FOXP2: variants seen among roughly 807,000 people sequenced by gnomAD.
The protein encoded by FOXP2 is forkhead box protein P2.
Under a neutral mutation model 115.8 loss-of-function variants are expected in FOXP2, and 12 were observed. The ratio of observed to expected loss-of-function variants is 0.10; its 90% confidence interval spans 0.07 to 0.17. FOXP2 has a LOEUF of 0.17. Ranked by LOEUF, FOXP2 falls within the 10% of genes least tolerant of loss-of-function variation. FOXP2 has a pLI of 1.00. For synonymous variants in FOXP2, 328 were observed against 297.7 expected (o/e 1.10, Z -1.05); for missense variants, 629 against 843.5 (o/e 0.75, Z 3.15).
chr7:114,683,704 T>C (rs1480542082), intron 16 of FOXP2, among the ~76,000 whole-genome samples: 1 of 152,160 alleles, frequency 6.6e-6, no homozygotes, highest in Non-Finnish European at 1.5e-5. Flanking sequence ...GGATGTTCCA[T>C]GTATACACGG....
intron 2 of FOXP2, among the ~76,000 whole-genome samples, chr7:114,462,305 TAAC>T (rs1795604240): frequency 9.3e-6 from 1 of 107,188 alleles, no homozygotes; most frequent in Admixed American, 1.0e-4. Flanking sequence ...AAAAAAAAGG[TAAC>T]AAACACTAAA....
chr7:114,370,435 T>A (rs1791976761), intron 2 of FOXP2, among the ~76,000 whole-genome samples: 1 of 152,220 alleles, frequency 6.6e-6, no homozygotes, highest in African/African-American at 2.4e-5. Context: ...AGTGTACCTG[T>A]GTTGGCTCTG....
intron 16 of FOXP2, chr7:114,667,848 GA>G (rs1391867124): frequency 1.3e-5 from 2 of 152,120 alleles, no homozygotes; most frequent in Non-Finnish European, 2.9e-5. Flanking sequence ...AGAATATTCT[GA>G]AATTGGGAGA....
intron 2 of FOXP2, among the ~76,000 whole-genome samples, chr7:114,403,113 G>T (rs1252653966): frequency 2.0e-5 from 3 of 152,248 alleles, no homozygotes; most frequent in South Asian, 4.1e-4. Flanking sequence ...TATGTAGTCT[G>T]TATATTATGT....
At chr7:114,472,018 G>A (rs953742959) in intron 2 of FOXP2, among the ~76,000 whole-genome samples, 2 of 151,248 alleles carry the variant, frequency 1.3e-5, no homozygotes, top group Non-Finnish European at 2.9e-5. Flanking sequence ...CTAGGTTGTT[G>A]TACTCCAAAG....
At chr7:114,382,867 T>C (rs1222523043) in intron 2 of FOXP2, among the ~76,000 whole-genome samples, 2 of 152,210 alleles carry the variant, frequency 1.3e-5, no homozygotes, top group African/African-American at 4.8e-5. Context: ...TTCCTTTCCC[T>C]GTGTTATGTG....
intron 1 of FOXP2, among the ~76,000 whole-genome samples, chr7:114,100,656 T>C (rs571010707): frequency 6.6e-6 from 1 of 152,192 alleles, no homozygotes; most frequent in Non-Finnish European, 1.5e-5. Context: ...TTTGCTCAAT[T>C]ATTTTAAAAA....
intron 1 of FOXP2, among the ~76,000 whole-genome samples, chr7:114,275,768 T>G (rs1189804923): frequency 1.3e-5 from 2 of 152,224 alleles, no homozygotes; most frequent in Non-Finnish European, 2.9e-5. Context: ...CTGGACATGA[T>G]GTACTTGGCA....
At position 114,531,523 on chromosome 7, in the gene FOXP2, T is replaced by C. The variant is rs73716906; in HGVS notation, c.169-3094T>C. On this transcript the variant is annotated intron_variant, in intron 2 of 16. Transcript: ENST00000350908. Reference sequence around the variant, plus strand: ...GGAAATAAAAATGTCATATGATGCATGCAGTGAGAATGCAAACTGCCAGAG... The same window carrying C: ...GGAAATAAAAATGTCATATGATGCACGCAGTGAGAATGCAAACTGCCAGAG... 8.0e-3 allele frequency among the ~76,000 whole-genome samples: 1,209 copies of C among 151,964 alleles called. 16 individuals are homozygous for C. Among genetic ancestry groups the C allele is most frequent in the African/African-American group, 0.028 (1,153 of 41,518 alleles).
chr7:114,144,326 T>G (rs2129147616), intron 1 of FOXP2, among the ~76,000 whole-genome samples: 1 of 152,304 alleles, frequency 6.6e-6, no homozygotes, highest in Admixed American at 6.5e-5. Flanking sequence ...ACTATATAGT[T>G]TATTTTGCTC....
intron 1 of FOXP2, chr7:114,420,009 G>A (rs938621656): frequency 1.4e-4 from 21 of 152,052 alleles, no homozygotes; most frequent in African/African-American, 4.8e-4. Context: ...TAGCCTGGAA[G>A]TAAAAAGTGC....
intron 16 of FOXP2, among the ~76,000 whole-genome samples, chr7:114,684,414 T>A (rs1808249708): frequency 6.6e-6 from 1 of 152,164 alleles, no homozygotes; most frequent in Non-Finnish European, 1.5e-5. Context: ...AGAGCTCACA[T>A]CTGTATCTAA....
In FOXP2 at chr7:114,534,603, A is replaced by C. The variant is rs553416062; in HGVS notation, c.169-14A>C. On this transcript the variant is annotated splice_polypyrimidine_tract_variant and intron_variant, in intron 2 of 16. Coordinates refer to ENST00000350908, the MANE Select transcript of FOXP2 (RefSeq NM_014491.4). The stretch of plus-strand genomic sequence containing the variant: ...CAACAAAATATTTAGATAAGGTTTC[A>C]TTTTTACTTCTAGGCTCTCCAGGCA... 3.2e-4 allele frequency: 508 copies of C among 1,609,172 alleles called. 5 individuals are homozygous for C. In the South Asian group the frequency reaches 5.3e-3, roughly 17 times the overall value.
At chr7:114,625,407 A>T (rs186070537) in intron 3 of FOXP2, among the ~76,000 whole-genome samples, 2 of 151,960 alleles carry the variant, frequency 1.3e-5, no homozygotes, top group African/African-American at 4.8e-5. Context: ...AGCGAAAAAT[A>T]GTTCCGTTAG....
chr7:114,250,258 G>A (rs550772121), intron 1 of FOXP2, among the ~76,000 whole-genome samples: 43 of 152,176 alleles, frequency 2.8e-4, no homozygotes, highest in East Asian at 3.9e-4. Context: ...GTAAACATAC[G>A]TGGGCATGTG....
intron 2 of FOXP2, among the ~76,000 whole-genome samples, chr7:114,308,666 G>A (rs1216551070): frequency 6.6e-6 from 1 of 152,174 alleles, no homozygotes; most frequent in Non-Finnish European, 1.5e-5. Context: ...AGATGCCTGT[G>A]GAAGGTAGAA....
intron 1 of FOXP2, among the ~76,000 whole-genome samples, chr7:114,219,929 C>G (rs1280206023): frequency 6.6e-6 from 1 of 151,692 alleles, no homozygotes; most frequent in Non-Finnish European, 1.5e-5. Context: ...TGCAGTGGCG[C>G]GATCTCGGCT....
chr7:114,243,855 G>A (rs1223160748), intron 1 of FOXP2, among the ~76,000 whole-genome samples: 1 of 151,744 alleles, frequency 6.6e-6, no homozygotes, highest in Admixed American at 6.6e-5. Flanking sequence ...GCCAAAAGAA[G>A]TCACTGAGCC....
chr7:114,673,993 C>A (rs1434991062), intron 16 of FOXP2, among the ~76,000 whole-genome samples: 1 of 152,200 alleles, frequency 6.6e-6, no homozygotes, highest in Non-Finnish European at 1.5e-5. Flanking sequence ...TGAGCCACTG[C>A]ACCTGGCTGG....
Sources: allele counts gnomAD v4.1 joint callset (sites outside exome capture counted in the v4.1 genomes callset), GRCh38; gene constraint gnomAD v4.1.1; transcripts MANE v1.5; gene names NCBI Gene and HGNC (gene_info 2026-07-23, HGNC 2026-07-21).